EPB41L1: variants seen among roughly 807,000 people sequenced by gnomAD.
The protein encoded by EPB41L1 is erythrocyte membrane protein band 4.1 like 1.
Under a neutral mutation model 97.8 loss-of-function variants are expected in EPB41L1, and 29 were observed. The ratio of observed to expected loss-of-function variants is 0.30; its 90% CI spans 0.22 to 0.40. EPB41L1 has a LOEUF of 0.40. Among genes scored for constraint, EPB41L1 ranks in the 10% least tolerant of loss-of-function variants. EPB41L1 has a pLI of 1.00. For missense variants in EPB41L1, 812 were observed against 1,162.3 expected, an observed-to-expected ratio of 0.70 and a Z score of 4.38; for synonymous variants, 383 against 459.2, an observed-to-expected ratio of 0.83 and a Z score of 2.12.
chr20:36,105,957 C>T (rs1437385386), intron 1 of EPB41L1, among the ~76,000 whole-genome samples: 1 of 152,152 alleles, frequency 6.6e-6, no homozygotes, highest in South Asian at 2.1e-4. Flanking sequence ...CCCCAGGGGG[C>T]AGGCTGCCAC....
rs767340893 is a variant in EPB41L1 at position 36,214,396 on chromosome 20, G to A, written c.2224G>A (p.Ala742Thr). 1 of 1,613,760 alleles carries A rather than the reference G, an allele frequency of 6.2e-7. No homozygotes were observed. The highest frequency in any genetic ancestry group is 1.7e-5 in the Admixed American group (1 of 59,980). ...TGCCTCAGTGGGGAGGGAGTTCATAGCAACCACTCCCTCCATCACCACGGA... is the reference window on the plus strand; with the variant it reads ...TGCCTCAGTGGGGAGGGAGTTCATAACAACCACTCCCTCCATCACCACGGA... ...GSASVGREFIATTPSITTETI... is the reference protein window; with the variant it reads ...GSASVGREFITTTPSITTETI... Residue 742 changes from alanine to threonine, a missense_variant, in exon 17 of 22, where the codon GCA becomes ACA. By Grantham distance (58) the Ala-to-Thr change is moderately conservative (BLOSUM62 0). Around this residue, in one of 3 missense-constraint regions of EPB41L1, gnomAD observed 498 missense variants for 622.7 expected, o/e 0.80. Transcript: ENST00000338074.
intron 2 of EPB41L1, among the ~76,000 whole-genome samples, chr20:36,137,802 G>T (rs1169051335): frequency 1.3e-5 from 2 of 152,190 alleles, no homozygotes; most frequent in African/African-American, 4.8e-5. Context: ...GGGATTGCAG[G>T]CATGAGCCAC....
At chr20:36,208,460 G>T in intron 14 of EPB41L1, 1 of 327,216 alleles carries the variant, frequency 3.1e-6, no homozygotes, top group Non-Finnish European at 6.2e-6. Context: ...CACCCGGCCA[G>T]GATGCATCGC....
At chr20:36,122,526 G>A (rs1438993695) in intron 2 of EPB41L1, among the ~76,000 whole-genome samples, 1 of 152,234 alleles carries the variant, frequency 6.6e-6, no homozygotes, top group Non-Finnish European at 1.5e-5. Flanking sequence ...CTCTGGCACA[G>A]AGACTGGTTT....
chr20:36,137,615 C>T (rs1054252086), intron 2 of EPB41L1, among the ~76,000 whole-genome samples: 1 of 152,130 alleles, frequency 6.6e-6, no homozygotes, highest in African/African-American at 2.4e-5. Context: ...ATCTCCGCCT[C>T]CTGGGTTCAA....
chr20:36,161,272 C>T (rs1490313432), intron 1 of EPB41L1, among the ~76,000 whole-genome samples: 3 of 152,190 alleles, frequency 2.0e-5, no homozygotes, highest in Non-Finnish European at 4.4e-5. Context: ...GCTGCCCACA[C>T]CCAGACTGTC....
intron 1 of EPB41L1, among the ~76,000 whole-genome samples, chr20:36,173,440 C>T (rs1316919785): frequency 6.6e-6 from 1 of 152,180 alleles, no homozygotes; most frequent in Non-Finnish European, 1.5e-5. Flanking sequence ...CTGGAGGCGG[C>T]CACTGGCAGC....
chr20:36,184,172 T>A (rs1047029041), intron 6 of EPB41L1, among the ~76,000 whole-genome samples: 3 of 151,870 alleles, frequency 2.0e-5, no homozygotes, highest in African/African-American at 7.3e-5. Context: ...GAGGCAGAGG[T>A]TGCAGTGAGC....
At chr20:36,147,327 G>A (rs996778932) in intron 2 of EPB41L1, among the ~76,000 whole-genome samples, 2 of 152,058 alleles carry the variant, frequency 1.3e-5, no homozygotes, top group African/African-American at 4.8e-5. Context: ...ACACAGAAAA[G>A]TGCACAGATC....
chr20:36,155,337 C>G (rs912163060), intron 1 of EPB41L1: 1 of 365,736 alleles, frequency 2.7e-6, no homozygotes, highest in African/African-American at 2.1e-5. Flanking sequence ...ACGGACCCTT[C>G]CCCGCTCTGG....
chr20:36,223,406 T>C (rs1478331982), intron 21 of EPB41L1, among the ~76,000 whole-genome samples: 1 of 152,234 alleles, frequency 6.6e-6, no homozygotes, highest in South Asian at 2.1e-4. Context: ...TGTTTCACTG[T>C]GGGCCATCAA....
At chr20:36,158,341 T>C (rs888633399) in intron 1 of EPB41L1, among the ~76,000 whole-genome samples, 2 of 152,046 alleles carry the variant, frequency 1.3e-5, no homozygotes, top group Non-Finnish European at 2.9e-5. Context: ...AAGTAAAGAG[T>C]GTGCTATTGC....
intron 1 of EPB41L1, among the ~76,000 whole-genome samples, chr20:36,166,997 A>G (rs1200528822): frequency 6.6e-6 from 1 of 152,230 alleles, no homozygotes; most frequent in Non-Finnish European, 1.5e-5. Context: ...GAATGTAATT[A>G]ATGCCTCTGA....
At chr20:36,117,676 C>A (rs1327531121) in intron 2 of EPB41L1, among the ~76,000 whole-genome samples, 1 of 136,412 alleles carries the variant, frequency 7.3e-6, no homozygotes, top group Non-Finnish European at 1.6e-5. Flanking sequence ...CAGAGCAGGG[C>A]TAGAAGATAG....
At chr20:36,175,748 C>T (rs1156976961) in intron 3 of EPB41L1, 33 bp downstream of exon 3, 2 of 1,612,538 alleles carry the variant, frequency 1.2e-6, no homozygotes, top group African/African-American at 1.3e-5. Flanking sequence ...ATGTCCCGTC[C>T]CCGGTCAGCC....
chr20:36,217,882 G>A (rs1016509756), intron 17 of EPB41L1, among the ~76,000 whole-genome samples: 5 of 152,142 alleles, frequency 3.3e-5, no homozygotes, highest in African/African-American at 1.2e-4. Flanking sequence ...GCCATGCCTG[G>A]ACCAGAATCA....
At chr20:36,194,423 C>T in intron 12 of EPB41L1, 63 bp downstream of exon 12, 1 of 1,550,554 alleles carries the variant, frequency 6.4e-7, no homozygotes, top group South Asian at 1.2e-5. Context: ...TGAGGTCTAG[C>T]CTCGGCCTTG....
At chr20:36,211,409 CTA>C (rs2146839202) in intron 15 of EPB41L1, among the ~76,000 whole-genome samples, 1 of 152,028 alleles carries the variant, frequency 6.6e-6, no homozygotes, top group South Asian at 2.1e-4. Context: ...AAAAACAAAA[CTA>C]TACTCAGAGG....
intron 11 of EPB41L1, among the ~76,000 whole-genome samples, chr20:36,191,432 T>A (rs1293259190): frequency 6.6e-6 from 1 of 152,178 alleles, no homozygotes; most frequent in Non-Finnish European, 1.5e-5. Flanking sequence ...TATATAGTCC[T>A]GTAGCAAGCA....
Sources: gnomAD v4.1 joint callset for allele counts (sites outside exome capture counted in the v4.1 genomes callset) on GRCh38, gnomAD v4.1.1 for gene constraint, gnomAD v4.1.1 regional missense constraint, MANE v1.5 for transcripts, NCBI Gene and HGNC (gene_info 2026-07-23, HGNC 2026-07-21) for gene names.